Variants in ELP1 observed in about 807,000 individuals in gnomAD.
ELP1 encodes elongator complex protein 1.
Under a neutral mutation model 183.2 loss-of-function variants are expected in ELP1, and 131 were observed. That is an observed-to-expected ratio of 0.72 (90% CI 0.62 to 0.83). ELP1 has a LOEUF of 0.83. Ranked by LOEUF, ELP1 falls within the 40% of genes least tolerant of loss-of-function variation. The pLI is 0.00. For missense variants in ELP1, 1,550 were observed against 1,594.9 expected (o/e 0.97, Z 0.48); for synonymous variants, 555 against 569.0 (o/e 0.98, Z 0.35).
Position 108,878,080 on chromosome 9 carries a change from T to C in ELP1, c.3770A>G (p.Lys1257Arg). The change falls in exon 35 of 37, where the codon AAG (lysine) becomes AGG (arginine). Residue 1257 changes from lysine (K) to arginine (R), a missense_variant. By Grantham distance (26) the Lys-to-Arg change is conservative (BLOSUM62 2). Coordinates refer to ENST00000374647, the MANE Select transcript of ELP1 (RefSeq NM_003640.5). The stretch of plus-strand genomic sequence containing the variant: ...CAACTGCAGCGTATCTTCAAAGGCC[T>C]TCTGTAATTCCCTTCCTTGTTCATC... ...EFDEQGRELQ[K>R]AFEDTLQLME... The C allele has an allele frequency of 1.9e-6, 3 of 1,613,544 alleles. No individual in the cohort carries two copies. Among genetic ancestry groups the C allele is most frequent in the Non-Finnish European group, 2.5e-6 (3 of 1,179,418 alleles).
At chr9:108,911,380 C>T (rs1198216574) in intron 11 of ELP1, among the ~76,000 whole-genome samples, 200 bp from the exon 12 acceptor site, 2 of 152,140 alleles carry the variant, frequency 1.3e-5, no homozygotes, top group African/African-American at 4.8e-5. Flanking sequence ...CTATTGTCAC[C>T]TCTAGGCCTA....
chr9:108,892,927 C>A lies in ELP1; in HGVS notation c.2958+59G>T. 2.6e-6 allele frequency: 3 copies of A among 1,157,838 alleles called. No individual in the cohort carries two copies. The South Asian group carries it at 3.7e-5, about 14-fold the overall frequency. 71.7% of individuals were successfully genotyped at this position (1,157,838 alleles called of 1,614,324 possible). A position where few individuals can be genotyped will look rare whatever the true frequency, so the allele number is the denominator to read the frequency against. On this transcript the variant is annotated intron_variant, in intron 27 of 36. Transcript: ENST00000374647. ...GTGTTATGAACTTAGGATCCTCACT[C>A]CTTTCCTACTAAAGCAAAAAGCAAA...
chr9:108,898,005 GT>G (rs1828621626), intron 22 of ELP1, among the ~76,000 whole-genome samples: 1 of 152,210 alleles, frequency 6.6e-6, no homozygotes. Context: ...GTGGACTGAT[GT>G]CTACAACTCA....
At chr9:108,872,708 G>A (rs1399302232) in intron 36 of ELP1, among the ~76,000 whole-genome samples, 3 of 146,582 alleles carry the variant, frequency 2.0e-5, no homozygotes, top group African/African-American at 5.2e-5. Context: ...AGGAGGGTGA[G>A]GCAGGAGAAT....
chr9:108,879,368 A>C, intron 33 of ELP1, 78 bp downstream of exon 33: 1 of 1,084,316 alleles, frequency 9.2e-7, no homozygotes, highest in Non-Finnish European at 1.4e-6. Flanking sequence ...CCGTCCCAGT[A>C]GAAAACCAAT....
chr9:108,932,849 C>A (rs1425618415), intron 1 of ELP1, among the ~76,000 whole-genome samples: 2 of 152,156 alleles, frequency 1.3e-5, no homozygotes, highest in African/African-American at 4.8e-5. Flanking sequence ...ACCTTCCTGC[C>A]TCCACTGATT....
chr9:108,911,145 CCA>C lies in ELP1; in HGVS notation c.1223_1224del (p.Val408GlyfsTer29), dbSNP rs1829207432. 1 of 1,613,994 alleles carries C rather than the reference CCA, an allele frequency of 6.2e-7. No individual in the cohort carries two copies. Among genetic ancestry groups the C allele is most frequent in the Non-Finnish European group, 8.5e-7 (1 of 1,180,032 alleles). On this transcript the variant is annotated frameshift_variant, in exon 12 of 37. Coordinates refer to ENST00000374647, the MANE Select transcript of ELP1 (RefSeq NM_003640.5). LOFTEE classifies it high-confidence loss of function. ...TGGTAGGTGCACATGGGAGGCGGAA[CCA>C]CAGTCTGCCGGAAGACTGTCACCAA... Reference protein sequence around the residue: ...RVLVTVFRQTVVPPPMCTYQL... With the variant: ...RVLVTVFRQTXVPPPMCTYQL...
Position 108,882,202 on chromosome 9 carries a change from GGAA to G in ELP1, c.3223-18_3223-16del. The G allele has an allele frequency of 6.2e-7, 1 of 1,610,648 alleles. No homozygotes were observed. Among genetic ancestry groups the G allele is most frequent in the Non-Finnish European group, 8.5e-7 (1 of 1,178,634 alleles). On this transcript the variant is annotated splice_polypyrimidine_tract_variant and intron_variant, in intron 29 of 36. Transcript: ENST00000374647. ...TCTTCATAATCCTGACAAGGGAACA[GGAA>G]GAAGACAACAAGTGAAGAGAGCATG...
chr9:108,878,815 C>A, intron 33 of ELP1, 65 bp from the exon 34 acceptor site: 1 of 1,576,016 alleles, frequency 6.3e-7, no homozygotes, highest in South Asian at 1.1e-5. Flanking sequence ...CATGTGCTAC[C>A]TTGCCTGGCT....
chr9:108,920,605 T>A (rs774291306), intron 6 of ELP1, among the ~76,000 whole-genome samples: 1 of 151,206 alleles, frequency 6.6e-6, no homozygotes, highest in Non-Finnish European at 1.5e-5. Context: ...TGAATCAGTG[T>A]TACTGGGCAC....
chr9:108,903,463 C>T lies in ELP1; in HGVS notation c.1750+100G>A, dbSNP rs1828888581. The T allele has an allele frequency of 2.6e-5, 23 of 868,292 alleles. No homozygotes were observed. The South Asian group carries it at 3.1e-4, about 12-fold the overall frequency. 53.8% of individuals were successfully genotyped at this position (868,292 alleles called of 1,614,324 possible). A position where few individuals can be genotyped will look rare whatever the true frequency, so the allele number is the denominator to read the frequency against. On this transcript the variant is annotated intron_variant, in intron 15 of 36. Transcript: ENST00000374647. ...GGGTTTTCCAGGGTAGTTAAAAGAC[C>T]TGACAATCAATATTGAACTGACAAG...
chr9:108,911,243 C>A, intron 11 of ELP1, 63 bp from the exon 12 acceptor site: 1 of 1,445,160 alleles, frequency 6.9e-7, no homozygotes. Flanking sequence ...GATAAGCCAT[C>A]TGAACATCAC....
chr9:108,890,928 A>G (rs970830649), intron 28 of ELP1, among the ~76,000 whole-genome samples: 11 of 152,206 alleles, frequency 7.2e-5, no homozygotes, highest in African/African-American at 2.7e-4. Context: ...ACCCAGCTAC[A>G]ACCATCTGCC....
chr9:108,882,777 T>C (rs539186667), intron 29 of ELP1, among the ~76,000 whole-genome samples: 8 of 152,052 alleles, frequency 5.3e-5, no homozygotes, highest in Non-Finnish European at 8.8e-5. Context: ...AAAATGTTTT[T>C]AGACAGGGTC....
At chr9:108,889,546 T>C in intron 28 of ELP1, 153 bp from the exon 29 acceptor site, 1 of 716,128 alleles carries the variant, frequency 1.4e-6, no homozygotes, top group Non-Finnish European at 2.5e-6. Flanking sequence ...CTATCTTAAA[T>C]GGCAGCTAGA....
intron 1 of ELP1, among the ~76,000 whole-genome samples, chr9:108,933,122 A>G (rs1178530696): frequency 6.6e-6 from 1 of 152,202 alleles, no homozygotes; most frequent in African/African-American, 2.4e-5. Flanking sequence ...TAGAATCACA[A>G]GCATGTCTCA....
Position 108,911,128 on chromosome 9 carries a change from G to A in ELP1, c.1242C>T (p.Cys414=), listed in dbSNP as rs1233980811. The A allele has an allele frequency of 6.2e-7, 1 of 1,614,152 alleles. No homozygotes were observed. Among genetic ancestry groups the A allele is most frequent in the East Asian group, 2.2e-5 (1 of 44,886 alleles). Residue 414 remains cysteine, a synonymous_variant, in exon 12 of 37, where the codon TGC becomes TGT. Transcript: ENST00000374647. ...GGTGTGGGAACAGCAGTTGGTAGGT[G>A]CACATGGGAGGCGGAACCACAGTCT... ...FRQTVVPPPM[C]TYQLLFPHPV... is the part of the protein sequence containing the mutation.
At chr9:108,932,090 T>C (rs1830019015) in intron 1 of ELP1, among the ~76,000 whole-genome samples, 2 of 152,236 alleles carry the variant, frequency 1.3e-5, no homozygotes, top group South Asian at 2.1e-4. Context: ...ATTGTCACTT[T>C]AATCCAAGGA....
intron 3 of ELP1, 88 bp from the exon 4 acceptor site, chr9:108,927,541 A>C (rs924960864): frequency 1.9e-6 from 2 of 1,047,940 alleles, no homozygotes; most frequent in Non-Finnish European, 3.0e-6. Context: ...AATTAAAAAA[A>C]CAAAACGAAA....
Sources: allele counts gnomAD v4.1 joint callset (sites outside exome capture counted in the v4.1 genomes callset), GRCh38; gene constraint gnomAD v4.1.1; transcripts MANE v1.5; gene names NCBI Gene and HGNC (gene_info 2026-07-23, HGNC 2026-07-21).